Variants in OR5B2 observed in about 807,000 individuals in gnomAD.
OR5B2 encodes the protein olfactory receptor family 5 subfamily B member 2.
For synonymous variants in OR5B2, 163 were observed against 140.8 expected (o/e 1.16, Z -1.11); for missense variants, 411 against 367.0 (o/e 1.12, Z -0.98).
chr11:58,422,662 C>A lies in OR5B2; in HGVS notation c.600G>T (p.Met200Ile). The stretch of plus-strand genomic sequence containing the variant: ...GAACAAAAAAGATATTAAAGCTTGA[C>A]ATAAAAACCAGAATCACCTCACTAG... ...KHTSEVILVF[M>I]SSFNIFFVLL... is the part of the protein sequence containing the mutation. Residue 200 changes from methionine to isoleucine, a missense_variant, in exon 3 of 3, where the codon ATG becomes ATT. Transcript: ENST00000641342. The A allele has an allele frequency of 6.2e-7, 1 of 1,613,440 alleles. No homozygotes were observed. The highest frequency in any genetic ancestry group is 1.1e-5 in the South Asian group (1 of 91,056).
rs575232217 is a variant in OR5B2 at position 58,426,852 on chromosome 11, G to T, written c.-83-176C>A. On this transcript the variant is annotated intron_variant, in intron 1 of 2. Coordinates refer to ENST00000641342, the MANE Select transcript of OR5B2 (RefSeq NM_001005566.3). ...GCTGCTGCTGTGAGGAAAAATAGAA[G>T]TCTCTGAATGCACTCTGTAAAGTCC... Among the ~76,000 whole-genome samples the T allele has an allele frequency of 4.5e-4, 68 of 152,238 alleles. 2 individuals are homozygous for T. The South Asian group carries it at 0.014, about 31-fold the overall frequency.
chr11:58,423,647 C>T (rs964763035), intron 2 of OR5B2, among the ~76,000 whole-genome samples: 3 of 152,036 alleles, frequency 2.0e-5, no homozygotes, highest in South Asian at 2.1e-4. Context: ...TACTGGGAAC[C>T]GCTCTAGGCA....
chr11:58,422,975 G>T lies in OR5B2; in HGVS notation c.287C>A (p.Ala96Asp), dbSNP rs1252788485. ...GDKVISYNAC[A>D]VQMFFFVALA... ...GGCTACAAAGAAGAACATCTGAACA[G>T]CACATGCATTGTAGGAGATGACCTT... Residue 96 changes from alanine (A) to aspartate (D), a missense_variant, in exon 3 of 3, where the codon GCT becomes GAT. Ala to Asp is a moderately radical substitution (Grantham distance 126). Coordinates refer to ENST00000641342, the MANE Select transcript of OR5B2 (RefSeq NM_001005566.3). 6.2e-7 allele frequency: 1 copy of T among 1,613,724 alleles called. No homozygotes were observed. Among genetic ancestry groups the T allele is most frequent in the Admixed American group, 1.7e-5 (1 of 59,924 alleles).
rs773567025 is a variant in OR5B2 at position 58,422,551 on chromosome 11, G to A, written c.711C>T (p.Ser237=). Reference sequence around the variant, plus strand: ...CTGCAGTGAAGTGAGAGGCACAGGTGGACAATGCTTTTTGGTGTCCCTTAG... The same window carrying A: ...CTGCAGTGAAGTGAGAGGCACAGGTAGACAATGCTTTTTGGTGTCCCTTAG... The part of the protein sequence containing the change: ...HSAKGHQKAL[S]TCASHFTAVS... The change falls in exon 3 of 3, where the codon TCC becomes TCT. Residue 237 remains serine, a synonymous_variant. Transcript: ENST00000641342. 77 of 1,613,518 alleles carry A rather than the reference G, an allele frequency of 4.8e-5. No individual in the cohort carries two copies. Among genetic ancestry groups the A allele is most frequent in the Non-Finnish European group, 5.7e-5 (67 of 1,179,792 alleles).
In OR5B2 at chr11:58,422,378, A is replaced by G. The variant is rs201591455; in HGVS notation, c.884T>C (p.Val295Ala). 6.2e-7 allele frequency: 1 copy of G among 1,613,340 alleles called. No homozygotes were observed. The highest frequency in any genetic ancestry group is 8.5e-7 in the Non-Finnish European group (1 of 1,179,544). Residue 295 changes from valine (V) to alanine (A), a missense_variant, in exon 3 of 3, where the codon GTC (valine) becomes GCC (alanine). Coordinates refer to ENST00000641342, the MANE Select transcript of OR5B2 (RefSeq NM_001005566.3). Reference protein sequence around the residue: ...PVVYSLRNREVQNAFKKVLRR... With the variant: ...PVVYSLRNREAQNAFKKVLRR... Reference sequence around the variant, plus strand: ...CAACACTTTCTTGAATGCATTCTGGACTTCTCTGTTCCTCAGGCTGTAGAC... The same window carrying G: ...CAACACTTTCTTGAATGCATTCTGGGCTTCTCTGTTCCTCAGGCTGTAGAC...
At chr11:58,425,958 G>T (rs565908753) in intron 2 of OR5B2, among the ~76,000 whole-genome samples, 4 of 152,094 alleles carry the variant, frequency 2.6e-5, no homozygotes, top group Non-Finnish European at 4.4e-5. Context: ...CCTCTGAATA[G>T]CCTGTGCAAA....
rs1855271521 is a variant in OR5B2 at position 58,421,507 on chromosome 11, T to C, written c.*825A>G. 6.6e-6 allele frequency: 1 copy of C among 152,096 alleles called. No individual in the cohort carries two copies. The allele number at this position is 152,096 out of a possible 1,614,324, so 9.4% of individuals were successfully genotyped here. ...AACTGTGGAGACAGAAAAAGATCAG[T>C]AGTTGTCAGGGGTTAGGGAAGAAGG... On this transcript the variant is annotated 3_prime_UTR_variant, in exon 3 of 3. Coordinates refer to ENST00000641342, the MANE Select transcript of OR5B2 (RefSeq NM_001005566.3).
At chr11:58,427,431 G>A (rs994310402) in intron 1 of OR5B2, among the ~76,000 whole-genome samples, 2 of 152,166 alleles carry the variant, frequency 1.3e-5, no homozygotes, top group Non-Finnish European at 2.9e-5. Flanking sequence ...GCCGATGGCA[G>A]CATAACTTCA....
At chr11:58,423,449 A>G in intron 2 of OR5B2, 160 bp from the exon 3 acceptor site, 1 of 458,808 alleles carries the variant, frequency 2.2e-6, no homozygotes, top group Non-Finnish European at 3.8e-6. Context: ...TGCATTATCT[A>G]CAGAGTTGTA....
chr11:58,427,775 G>A (rs960279967), intron 1 of OR5B2, among the ~76,000 whole-genome samples: 1 of 152,148 alleles, frequency 6.6e-6, no homozygotes, highest in Non-Finnish European at 1.5e-5. Flanking sequence ...AGGAAGCCAG[G>A]CAACCTAGGC....
Position 58,422,750 on chromosome 11 carries a change from A to T in OR5B2, c.512T>A (p.Leu171Gln), listed in dbSNP as rs753817661. The T allele has an allele frequency of 1.2e-6, 2 of 1,613,852 alleles. No individual in the cohort carries two copies. Among genetic ancestry groups the T allele is most frequent in the Non-Finnish European group, 1.7e-6 (2 of 1,179,884 alleles). ...AACATCACAGAAAAAGTGATGTACC[A>T]GATTGGATTTACAGAAAGAGAGACT... ...IFSLSFCKSN[L>Q]VHHFFCDVPA... is the part of the protein sequence containing the mutation. The change falls in exon 3 of 3, where the codon CTG becomes CAG. Residue 171 changes from leucine (L) to glutamine (Q), a missense_variant. By Grantham distance (113) the Leu-to-Gln change is moderately radical (BLOSUM62 -2). Coordinates refer to ENST00000641342, the MANE Select transcript of OR5B2 (RefSeq NM_001005566.3).
rs542875959 is a variant in OR5B2 at position 58,423,013 on chromosome 11, G to T, written c.249C>A (p.Phe83Leu). Residue 83 changes from phenylalanine to leucine, a missense_variant, in exon 3 of 3, where the codon TTC (phenylalanine) becomes TTA (leucine). By Grantham distance (22) the Phe-to-Leu change is conservative. Transcript: ENST00000641342. The part of the protein sequence containing the change: ...SAVTPKVMAG[F>L]LRGDKVISYN... ...AGGAGATGACCTTGTCTCCTCTAAG[G>T]AACCCAGCCATGACCTTGGGAGTGA... 34 of 1,613,644 alleles carry T rather than the reference G, an allele frequency of 2.1e-5. No homozygotes were observed. The highest frequency in any genetic ancestry group is 2.8e-5 in the Non-Finnish European group (33 of 1,179,816).
Position 58,421,702 on chromosome 11 carries a change from A to G in OR5B2, c.*630T>C, listed in dbSNP as rs939105665. 6.6e-6 allele frequency: 1 copy of G among 152,132 alleles called. No homozygotes were observed. The highest frequency in any genetic ancestry group is 1.5e-5 in the Non-Finnish European group (1 of 68,022). 9.4% of individuals were successfully genotyped at this position (152,132 alleles called of 1,614,324 possible). On this transcript the variant is annotated 3_prime_UTR_variant, in exon 3 of 3. Coordinates refer to ENST00000641342, the MANE Select transcript of OR5B2 (RefSeq NM_001005566.3). ...GTCTTGAGATGATAATGATGTGTCAATGTAGGTTCATCAATTGTAAAAAAT... is the reference window on the plus strand; with the variant it reads ...GTCTTGAGATGATAATGATGTGTCAGTGTAGGTTCATCAATTGTAAAAAAT...
At chr11:58,426,144 T>TG in intron 2 of OR5B2, among the ~76,000 whole-genome samples, 1 of 151,064 alleles carries the variant, frequency 6.6e-6, no homozygotes, top group African/African-American at 2.5e-5. Flanking sequence ...GCACATGGAT[T>TG]TTTTGTGTGT....
chr11:58,422,140 C>G lies in OR5B2; in HGVS notation c.*192G>C, dbSNP rs1195210502. 1 of 445,276 alleles carries G rather than the reference C, an allele frequency of 2.2e-6. No individual in the cohort carries two copies. The highest frequency in any genetic ancestry group is 5.3e-5 in the South Asian group (1 of 18,778). The allele number at this position is 445,276 out of a possible 1,614,324, so 27.6% of individuals were successfully genotyped here. A position where few individuals can be genotyped will look rare whatever the true frequency, so the allele number is the denominator to read the frequency against. On this transcript the variant is annotated 3_prime_UTR_variant, in exon 3 of 3. Coordinates refer to ENST00000641342, the MANE Select transcript of OR5B2 (RefSeq NM_001005566.3). ...CAAAAATTCTAACATTTCCATTTAGCCTTCCTCATTCAGGTATTACATTTC... is the reference window on the plus strand; with the variant it reads ...CAAAAATTCTAACATTTCCATTTAGGCTTCCTCATTCAGGTATTACATTTC...
rs758492682 is a variant in OR5B2, at chr11:58,422,510, C to T, written c.752G>A (p.Gly251Glu). ...CTGCAAGTAGATGAAGATTACTGTCCCATAGAAGACGGAGACTGCAGTGAA... is the reference window on the plus strand; with the variant it reads ...CTGCAAGTAGATGAAGATTACTGTCTCATAGAAGACGGAGACTGCAGTGAA... ...SHFTAVSVFY[G>E]TVIFIYLQPS... The change falls in exon 3 of 3, where the codon GGG becomes GAG. Residue 251 changes from glycine (G) to glutamate (E), a missense_variant. Coordinates refer to ENST00000641342, the MANE Select transcript of OR5B2 (RefSeq NM_001005566.3). 1.9e-6 allele frequency: 3 copies of T among 1,613,674 alleles called. No individual in the cohort carries two copies. Among genetic ancestry groups the T allele is most frequent in the Non-Finnish European group, 2.5e-6 (3 of 1,179,858 alleles).
At chr11:58,424,593 T>C (rs1291539319) in intron 2 of OR5B2, among the ~76,000 whole-genome samples, 1 of 152,118 alleles carries the variant, frequency 6.6e-6, no homozygotes, top group Non-Finnish European at 1.5e-5. Flanking sequence ...GCATCGTTCG[T>C]GGGTTTCCTT....
chr11:58,423,392 T>C (rs1855303964), intron 2 of OR5B2, 103 bp from the exon 3 acceptor site: 3 of 546,462 alleles, frequency 5.5e-6, no homozygotes, highest in Admixed American at 3.4e-5. Context: ...CAATTTGTAC[T>C]TCAAAATTCT....
rs1191632942 is a variant in OR5B2, at chr11:58,421,290, A to G, written c.*1042T>C. 1 of 152,108 alleles carries G rather than the reference A, an allele frequency of 6.6e-6. No individual in the cohort carries two copies. Among genetic ancestry groups the G allele is most frequent in the Non-Finnish European group, 1.5e-5 (1 of 67,990 alleles). The allele number at this position is 152,108 out of a possible 1,614,324, so 9.4% of individuals were successfully genotyped here. ...CCAACACTAGGGAAGCAACCAAAAT[A>G]TCCTTCAGTAGGTACATGAATAAAG... On this transcript the variant is annotated 3_prime_UTR_variant, in exon 3 of 3. Coordinates refer to ENST00000641342, the MANE Select transcript of OR5B2 (RefSeq NM_001005566.3).
Sources: gnomAD v4.1 joint callset for allele counts (sites outside exome capture counted in the v4.1 genomes callset) on GRCh38, gnomAD v4.1.1 for gene constraint, MANE v1.5 for transcripts, NCBI Gene and HGNC (gene_info 2026-07-23, HGNC 2026-07-21) for gene names.